The following KIF21A variants were observed in gnomAD, a reference collection of about 807,000 sequenced individuals.
The protein encoded by KIF21A is kinesin family member 21A, also known as kinesin-like protein KIF21A.
In KIF21A, 114 loss-of-function variants were observed where a neutral mutation model predicts 202.9. That is an observed-to-expected ratio of 0.56 (90% CI 0.48 to 0.66). The LOEUF (loss-of-function observed/expected upper bound fraction) is 0.66, where lower values mean the gene tolerates loss of function less well. Among genes scored for constraint, KIF21A ranks in the 30% least tolerant of loss-of-function variants. KIF21A has a pLI of 0.00. For synonymous variants in KIF21A, 667 were observed against 670.8 expected (o/e 0.99, Z 0.09); for missense variants, 1,677 against 1,994.9 (o/e 0.84, Z 3.04).
intron 1 of KIF21A, among the ~76,000 whole-genome samples, chr12:39,398,613 GA>G (rs1951934112): frequency 6.6e-6 from 1 of 152,174 alleles, no homozygotes; most frequent in South Asian, 2.1e-4. Flanking sequence ...GAGGGTTACA[GA>G]AAGAGAGGGA....
In KIF21A at chr12:39,325,826, T is replaced by C. The variant is rs1258564481; in HGVS notation, c.3456+13A>G. 3 of 1,588,474 alleles carry C rather than the reference T, an allele frequency of 1.9e-6. No individual in the cohort carries two copies. The highest frequency in any genetic ancestry group is 2.2e-5 in the East Asian group (1 of 44,656). On this transcript the variant is annotated intron_variant, in intron 26 of 37. Transcript: ENST00000361418. Reference sequence around the variant, plus strand: ...GTAAAACATGTTTACCTGATACTTTTAGTTCTCCTTACCTTGTTCTTAGGT... The same window carrying C: ...GTAAAACATGTTTACCTGATACTTTCAGTTCTCCTTACCTTGTTCTTAGGT...
chr12:39,397,843 G>A (rs547200575), intron 1 of KIF21A, among the ~76,000 whole-genome samples: 1 of 152,276 alleles, frequency 6.6e-6, no homozygotes, highest in East Asian at 1.9e-4. Context: ...CTAATGACAG[G>A]CACTATCCAG....
At chr12:39,428,245 C>T (rs1192002546) in intron 1 of KIF21A, among the ~76,000 whole-genome samples, 1 of 152,246 alleles carries the variant, frequency 6.6e-6, no homozygotes, top group Non-Finnish European at 1.5e-5. Context: ...TTTCATTTCA[C>T]AGTAAACCAA....
rs1161997461 is a variant in KIF21A, at chr12:39,415,230, CTTTTTTTTTTTTTT to C, written c.44+27683_44+27696del. ...TTTTTTAAAAGTCTGGTAGAGAATG[CTTTTTTTTTTTTTT>C]TTTTTTTTTTTTTGAGATGGAGTCT... On this transcript the variant is annotated intron_variant, in intron 1 of 37. Coordinates refer to ENST00000361418, the MANE Select transcript of KIF21A (RefSeq NM_001173464.2). Among the ~76,000 whole-genome samples, 7 of 55,434 alleles carry C rather than the reference CTTTTTTTTTTTTTT, an allele frequency of 1.3e-4. 1 individual carries two copies. The highest frequency in any genetic ancestry group is 4.0e-4 in the Admixed American group (2 of 5,040). The allele number at this position is 55,434 out of a possible 152,430, so 36.4% of individuals were successfully genotyped here.
At chr12:39,384,273 C>A (rs1226062520) in intron 1 of KIF21A, among the ~76,000 whole-genome samples, 1 of 152,112 alleles carries the variant, frequency 6.6e-6, no homozygotes, top group African/African-American at 2.4e-5. Flanking sequence ...TTTAAAAGAG[C>A]TGTCTTAACA....
chr12:39,330,214 GGA>G, intron 24 of KIF21A, 26 bp downstream of exon 24: 2 of 1,595,456 alleles, frequency 1.3e-6, no homozygotes, highest in Non-Finnish European at 1.7e-6. Flanking sequence ...TGCAGCTGTA[GGA>G]TACACAGAAA....
intron 1 of KIF21A, among the ~76,000 whole-genome samples, chr12:39,381,600 T>C (rs994294275): frequency 1.3e-5 from 2 of 152,160 alleles, no homozygotes; most frequent in African/African-American, 4.8e-5. Context: ...AAATAAGCCA[T>C]AATTCTGTCA....
At chr12:39,427,300 T>C (rs1954841822) in intron 1 of KIF21A, among the ~76,000 whole-genome samples, 1 of 152,256 alleles carries the variant, frequency 6.6e-6, no homozygotes, top group African/African-American at 2.4e-5. Context: ...TAACTTCTGC[T>C]GTGCCTACAA....
In KIF21A at chr12:39,370,690, A is replaced by G. The variant is rs564326195; in HGVS notation, c.45-429T>C. ...AAAAGCAAGGACATTTATTTATCTT[A>G]ATGTCTTGACGCCCTTGACTCGTCT... is the stretch of plus-strand genomic sequence containing the variant. On this transcript the variant is annotated intron_variant, in intron 1 of 37. Coordinates refer to ENST00000361418, the MANE Select transcript of KIF21A (RefSeq NM_001173464.2). 3.4e-4 allele frequency among the ~76,000 whole-genome samples: 52 copies of G among 152,122 alleles called. 2 individuals carry two copies. The highest frequency in any genetic ancestry group is 6.8e-3 in the Middle Eastern group (2 of 294).
chr12:39,319,350 A>C (rs142921605), intron 28 of KIF21A, among the ~76,000 whole-genome samples: 83 of 152,294 alleles, frequency 5.4e-4, no homozygotes, highest in African/African-American at 1.9e-3. Flanking sequence ...TAAGTGGATA[A>C]TCAGATTATA....
chr12:39,359,128 T>TA (rs1395883393), intron 7 of KIF21A, among the ~76,000 whole-genome samples: 2 of 152,184 alleles, frequency 1.3e-5, no homozygotes, highest in Admixed American at 1.3e-4. Flanking sequence ...AATCAATGCC[T>TA]ATCAATCATA....
chr12:39,355,674 A>G (rs1394169528), intron 10 of KIF21A, among the ~76,000 whole-genome samples: 1 of 142,136 alleles, frequency 7.0e-6, no homozygotes, highest in East Asian at 2.1e-4. Context: ...CAGTGCCTCA[A>G]AGGTCTCTAC....
chr12:39,412,154 G>A (rs1000692184), intron 1 of KIF21A, among the ~76,000 whole-genome samples: 2 of 152,192 alleles, frequency 1.3e-5, no homozygotes, highest in African/African-American at 4.8e-5. Context: ...ATGCTGCTAC[G>A]TTTTTAACAT....
intron 1 of KIF21A, among the ~76,000 whole-genome samples, chr12:39,384,978 C>G (rs1235046194): frequency 1.3e-5 from 2 of 152,072 alleles, no homozygotes; most frequent in Non-Finnish European, 2.9e-5. Context: ...TTGAAAACTA[C>G]CAGGAGAATC....
At chr12:39,399,504 G>A (rs1952007830) in intron 1 of KIF21A, among the ~76,000 whole-genome samples, 1 of 152,158 alleles carries the variant, frequency 6.6e-6, no homozygotes, top group Non-Finnish European at 1.5e-5. Context: ...TATGCAAAAA[G>A]CACCTAATAT....
At chr12:39,327,253 C>A (rs1348481004) in intron 24 of KIF21A, among the ~76,000 whole-genome samples, 1 of 152,102 alleles carries the variant, frequency 6.6e-6, no homozygotes, top group Non-Finnish European at 1.5e-5. Context: ...TGATTCATTT[C>A]TCTCCACAAA....
At chr12:39,403,272 T>A (rs999338805) in intron 1 of KIF21A, among the ~76,000 whole-genome samples, 1 of 152,238 alleles carries the variant, frequency 6.6e-6, no homozygotes, top group Non-Finnish European at 1.5e-5. Flanking sequence ...CATGCCCTTA[T>A]GGAACTCACA....
chr12:39,427,688 T>G (rs1201137930), intron 1 of KIF21A, among the ~76,000 whole-genome samples: 1 of 152,254 alleles, frequency 6.6e-6, no homozygotes, highest in African/African-American at 2.4e-5. Flanking sequence ...TGAGACGGTC[T>G]CTCTCTGTTG....
At position 39,341,494 on chromosome 12, in the gene KIF21A, A is replaced by T; in HGVS notation, c.1921+11T>A. 1 of 1,612,442 alleles carries T rather than the reference A, an allele frequency of 6.2e-7. No individual in the cohort carries two copies. The highest frequency in any genetic ancestry group is 8.5e-7 in the Non-Finnish European group (1 of 1,179,424). ...AAATGAATTTTTGCCCTTATACCAAAGGGCAAGTACCTTTTTCATCTGATT... is the reference window on the plus strand; with the variant it reads ...AAATGAATTTTTGCCCTTATACCAATGGGCAAGTACCTTTTTCATCTGATT... On this transcript the variant is annotated intron_variant, in intron 14 of 37. Transcript: ENST00000361418.
Sources: allele counts gnomAD v4.1 joint callset (sites outside exome capture counted in the v4.1 genomes callset), GRCh38; gene constraint gnomAD v4.1.1; transcripts MANE v1.5; gene names NCBI Gene and HGNC (gene_info 2026-07-23, HGNC 2026-07-21).